The following EPSTI1 variants were observed in gnomAD, a reference collection of about 807,000 sequenced individuals.
EPSTI1 encodes the protein epithelial-stromal interaction protein 1.
A neutral mutation model predicts 49.9 loss-of-function variants in EPSTI1; 66 were observed. The ratio of observed to expected loss-of-function variants is 1.32; its 90% CI spans 1.08 to 1.62. The LOEUF is 1.62. Ranked by LOEUF, EPSTI1 falls within the 40% of genes most tolerant of loss-of-function variation. The pLI, the probability that EPSTI1 is intolerant of heterozygous loss-of-function variation, is 0.00. For synonymous variants in EPSTI1, 137 were observed against 130.7 expected (o/e 1.05, Z -0.33); for missense variants, 394 against 365.5 (o/e 1.08, Z -0.64).
intron 6 of EPSTI1, among the ~76,000 whole-genome samples, chr13:42,930,581 C>A (rs976846215): frequency 6.6e-6 from 1 of 152,172 alleles, no homozygotes; most frequent in Admixed American, 6.5e-5. Flanking sequence ...GCTGGGAGAA[C>A]TTTGTGCTTA....
chr13:42,965,125 G>A (rs1379659537), intron 3 of EPSTI1, among the ~76,000 whole-genome samples: 1 of 152,142 alleles, frequency 6.6e-6, no homozygotes, highest in Non-Finnish European at 1.5e-5. Flanking sequence ...AAACAGTAAG[G>A]AATGTTGACA....
chr13:42,945,780 C>T (rs988307757), intron 6 of EPSTI1, among the ~76,000 whole-genome samples: 10 of 152,200 alleles, frequency 6.6e-5, no homozygotes, highest in African/African-American at 2.4e-4. Flanking sequence ...GTAGCATACA[C>T]CAGGATATCT....
chr13:42,974,313 C>A (rs2039831025), intron 1 of EPSTI1, among the ~76,000 whole-genome samples: 1 of 149,334 alleles, frequency 6.7e-6, no homozygotes, highest in Admixed American at 6.7e-5. Flanking sequence ...TCCAGCCTGG[C>A]CGATAACAGT....
At chr13:42,890,867 T>G (rs2037017626) in intron 10 of EPSTI1, among the ~76,000 whole-genome samples, 1 of 152,094 alleles carries the variant, frequency 6.6e-6, no homozygotes, top group African/African-American at 2.4e-5. Flanking sequence ...AATGTATTTT[T>G]ATTATTATTA....
At chr13:42,916,077 A>G (rs2037821384) in intron 8 of EPSTI1, among the ~76,000 whole-genome samples, 1 of 152,040 alleles carries the variant, frequency 6.6e-6, no homozygotes, top group Non-Finnish European at 1.5e-5. Flanking sequence ...GTACCTCACA[A>G]TTTTATGTTA....
intron 8 of EPSTI1, among the ~76,000 whole-genome samples, chr13:42,911,280 CACACGTGTGTGAGTGTGCACAT>C (rs1204876019): frequency 9.0e-6 from 1 of 111,686 alleles, no homozygotes; most frequent in East Asian, 3.7e-4. Flanking sequence ...CGCACGCGCG[CACACGTGTGTGAGTGTGCACAT>C]GCTTCCTTTA....
intron 2 of EPSTI1, 181 bp from the exon 3 acceptor site, chr13:42,969,358 G>T: frequency 1.6e-6 from 1 of 614,268 alleles, no homozygotes; most frequent in Non-Finnish European, 2.8e-6. Context: ...TCCTGGGCCC[G>T]GCCCTGTGGC....
At chr13:42,953,444 T>C (rs1272243022) in intron 6 of EPSTI1, among the ~76,000 whole-genome samples, 4 of 152,230 alleles carry the variant, frequency 2.6e-5, no homozygotes, top group African/African-American at 9.6e-5. Context: ...CTGTATCTGT[T>C]AGCTGCTGTT....
At chr13:42,931,127 A>G (rs958594130) in intron 6 of EPSTI1, among the ~76,000 whole-genome samples, 1 of 143,564 alleles carries the variant, frequency 7.0e-6, no homozygotes, top group Admixed American at 6.9e-5. Context: ...CTATCTGATG[A>G]TGGTATCTTA....
chr13:42,900,735 A>G (rs2037331559), intron 8 of EPSTI1, among the ~76,000 whole-genome samples: 1 of 152,152 alleles, frequency 6.6e-6, no homozygotes, highest in Non-Finnish European at 1.5e-5. Flanking sequence ...CTTCAGGAAT[A>G]TCACACAATA....
chr13:42,968,976 C>A, intron 3 of EPSTI1, 118 bp downstream of exon 3: 1 of 865,400 alleles, frequency 1.2e-6, no homozygotes. Flanking sequence ...TCCACCCAAG[C>A]AGCACAATGA....
At chr13:42,978,313 T>C (rs1026472045) in intron 1 of EPSTI1, among the ~76,000 whole-genome samples, 1 of 152,030 alleles carries the variant, frequency 6.6e-6, no homozygotes, top group Non-Finnish European at 1.5e-5. Flanking sequence ...AAGATGAACA[T>C]TGGTTTAGTC....
Position 42,894,105 on chromosome 13 carries a change from G to T in EPSTI1, c.915+904C>A, listed in dbSNP as rs2037118655. On this transcript the variant is annotated intron_variant, in intron 10 of 10. Coordinates refer to ENST00000313624, the MANE Select transcript of EPSTI1 (RefSeq NM_033255.5). ...ACATTTATAAAATCCACTCATCAAT[G>T]TAAACTACTAGATTACTAGATGTCT... Among the ~76,000 whole-genome samples the T allele has an allele frequency of 2.0e-5, 3 of 152,246 alleles. No individual in the cohort carries two copies. In the South Asian group the frequency reaches 6.2e-4, roughly 32 times the overall value.
chr13:42,927,133 T>A (rs1382263187), intron 6 of EPSTI1, among the ~76,000 whole-genome samples: 1 of 152,178 alleles, frequency 6.6e-6, no homozygotes, highest in Non-Finnish European at 1.5e-5. Flanking sequence ...AATATCTCTT[T>A]TTAGCTCTGA....
rs111675879 is a variant in EPSTI1, at chr13:42,922,716, C to T, written c.657+3620G>A. Among the ~76,000 whole-genome samples, 649 of 152,204 alleles carry T rather than the reference C, an allele frequency of 4.3e-3. 7 individuals are homozygous for T. The highest frequency in any genetic ancestry group is 0.013 in the African/African-American group (559 of 41,520). ...GGCGCAAAGGGACACATGTTAAGTA[C>T]TTTATTTGACTTCTTAATGAATGAG... On this transcript the variant is annotated intron_variant, in intron 7 of 10. Transcript: ENST00000313624. The surrounding 1 kb of genome is among the most constrained non-coding windows in gnomAD (Gnocchi z 4.8).
chr13:42,952,156 C>T (rs910431604), intron 6 of EPSTI1, among the ~76,000 whole-genome samples: 3 of 152,152 alleles, frequency 2.0e-5, no homozygotes, highest in Admixed American at 1.3e-4. Flanking sequence ...GACCGATCAA[C>T]GGGATGTGGG....
intron 4 of EPSTI1, chr13:42,963,582 G>A (rs1046210094): frequency 3.8e-6 from 2 of 522,004 alleles, no homozygotes; most frequent in East Asian, 3.4e-5. Flanking sequence ...CTCTGTCTTT[G>A]TCTATCTCTG....
chr13:42,941,049 T>C (rs554671758), intron 6 of EPSTI1, among the ~76,000 whole-genome samples: 15 of 152,314 alleles, frequency 9.8e-5, no homozygotes, highest in African/African-American at 2.9e-4. Flanking sequence ...TCTTCTATCA[T>C]AGATTTTAAA....
At chr13:42,915,430 G>T (rs183204769) in intron 8 of EPSTI1, among the ~76,000 whole-genome samples, 1 of 152,178 alleles carries the variant, frequency 6.6e-6, no homozygotes, top group Non-Finnish European at 1.5e-5. Context: ...CTACTTGGGG[G>T]CTGAGGCAGG....
Sources: allele counts gnomAD v4.1 joint callset (sites outside exome capture counted in the v4.1 genomes callset), GRCh38; gene constraint gnomAD v4.1.1; non-coding constraint Gnocchi (gnomAD v3.1); transcripts MANE v1.5; gene names NCBI Gene and HGNC (gene_info 2026-07-23, HGNC 2026-07-21).